The following DGKA variants were observed in gnomAD, a reference collection of about 807,000 sequenced individuals.
DGKA encodes the protein 80 kDa diacylglycerol kinase.
In DGKA, 35 loss-of-function variants were observed where a neutral mutation model predicts 105.0. The ratio of observed to expected loss-of-function variants is 0.33; its 90% CI spans 0.25 to 0.44. DGKA has a LOEUF of 0.44. DGKA is among the 20% of genes least tolerant of loss of function. The pLI is 1.00. For missense variants in DGKA, 665 were observed against 915.0 expected (o/e 0.73, Z 3.53); for synonymous variants, 296 against 332.0 (o/e 0.89, Z 1.18).
intron 17 of DGKA, among the ~76,000 whole-genome samples, chr12:55,948,922 C>G (rs1011773597): frequency 6.6e-6 from 1 of 151,752 alleles, no homozygotes; most frequent in African/African-American, 2.4e-5. Flanking sequence ...ACTTGGGAGG[C>G]TGAGCAGGAG....
chr12:55,927,921 A>G, upstream of DGKA: 4 of 888,790 alleles, frequency 4.5e-6, no homozygotes, highest in Non-Finnish European at 6.6e-6. Flanking sequence ...CCCTAGGGTC[A>G]GAGGGCAGGG....
chr12:55,936,398 T>C, intron 1 of DGKA, 25 bp from the exon 2 acceptor site: 1 of 1,501,770 alleles, frequency 6.7e-7, no homozygotes. Flanking sequence ...CTCTTCCCAC[T>C]GTACGCTCTG....
At position 55,942,267 on chromosome 12, in the gene DGKA, A is replaced by T. The variant is rs1290500041; in HGVS notation, c.1426+4A>T. The T allele has an allele frequency of 6.2e-7, 1 of 1,613,894 alleles. No homozygotes were observed. The highest frequency in any genetic ancestry group is 1.3e-5 in the African/African-American group (1 of 74,914). ...CGATGCCTAAGATGGGGAGGAGGTA[A>T]GTGGTTAGAAATTGTTTTGCTGTAG... is the stretch of plus-strand genomic sequence containing the variant. On this transcript the variant is annotated splice_donor_region_variant and intron_variant, in intron 17 of 23. Coordinates refer to ENST00000331886, the MANE Select transcript of DGKA (RefSeq NM_001345.5).
At chr12:55,941,866 G>A in intron 15 of DGKA, 132 bp from the exon 16 acceptor site, 1 of 993,608 alleles carries the variant, frequency 1.0e-6, no homozygotes, top group Non-Finnish European at 1.6e-6. Flanking sequence ...GACCTTCATA[G>A]AAACTCAAGT....
At chr12:55,931,829 C>G (rs1287197290) in intron 1 of DGKA, 2 of 152,416 alleles carry the variant, frequency 1.3e-5, no homozygotes, top group East Asian at 1.9e-4. Flanking sequence ...AGATGAGGAG[C>G]GCAGCAAATG....
Position 55,932,563 on chromosome 12 carries a change from GA to G in DGKA, c.-82+1222del, listed in dbSNP as rs1184172354. Reference sequence around the variant, plus strand: ...AATCTCACTTTTCACCTTGATAGGAGAAATGAGCCTTCCTGAGGAAGAATGG... The same window carrying G: ...AATCTCACTTTTCACCTTGATAGGAGAATGAGCCTTCCTGAGGAAGAATGG... On this transcript the variant is annotated intron_variant, in intron 1 of 23. Transcript: ENST00000331886. This position sits in a 1 kb window ranked among gnomAD's most constrained non-coding sequence, Gnocchi z 4.3. The G allele has an allele frequency of 4.3e-6, 3 of 702,164 alleles. No individual in the cohort carries two copies. The highest frequency in any genetic ancestry group is 7.8e-6 in the Non-Finnish European group (3 of 384,834). The allele number at this position is 702,164 out of a possible 1,614,324, so 43.5% of individuals were successfully genotyped here.
At chr12:55,944,624 T>G (rs994232662) in intron 17 of DGKA, among the ~76,000 whole-genome samples, 2 of 151,774 alleles carry the variant, frequency 1.3e-5, no homozygotes, top group African/African-American at 4.9e-5. Context: ...AGACAAGAGA[T>G]GATGAATACA....
Position 55,940,506 on chromosome 12 carries a change from C to T in DGKA, c.918+73C>T. ...TGCCTTCTCCACGGGCCTCCGGCCA[C>T]ACCTCCTTTACAGGCACAGTTGCCC... On this transcript the variant is annotated intron_variant, in intron 11 of 23. Transcript: ENST00000331886. This position sits in a 1 kb window ranked among gnomAD's most constrained non-coding sequence, Gnocchi z 4.3. The T allele has an allele frequency of 6.3e-7, 1 of 1,592,822 alleles. No individual in the cohort carries two copies. Among genetic ancestry groups the T allele is most frequent in the East Asian group, 2.2e-5 (1 of 44,702 alleles).
At chr12:55,941,352 A>C in intron 14 of DGKA, 27 bp downstream of exon 14, 2 of 1,609,968 alleles carry the variant, frequency 1.2e-6, no homozygotes, top group Non-Finnish European at 1.7e-6. Flanking sequence ...TGGGTCTTCT[A>C]AGATGAGAGG....
At chr12:55,951,483 C>T (rs1888133489) in intron 17 of DGKA, 140 bp from the exon 18 acceptor site, 1 of 821,754 alleles carries the variant, frequency 1.2e-6, no homozygotes, top group African/African-American at 1.7e-5. Flanking sequence ...TGACCATGCA[C>T]CCTGCCCTGT....
intron 17 of DGKA, among the ~76,000 whole-genome samples, chr12:55,946,591 A>G (rs1236718594): frequency 6.6e-6 from 1 of 152,158 alleles, no homozygotes; most frequent in Non-Finnish European, 1.5e-5. Flanking sequence ...TCCTGACCTC[A>G]GGTGATCCAC....
In DGKA at chr12:55,932,728, CACACA is replaced by C; in HGVS notation, c.-82+1385_-82+1389del. 1.6e-6 allele frequency: 1 copy of C among 626,292 alleles called. No homozygotes were observed. The highest frequency in any genetic ancestry group is 2.9e-6 in the Non-Finnish European group (1 of 342,306). 38.8% of individuals were successfully genotyped at this position (626,292 alleles called of 1,614,324 possible). Reference sequence around the variant, plus strand: ...ACACACGCACACACACACACACACACACACACACACACAACCCCCTCAGCCAGGTG... The same window carrying C: ...ACACACGCACACACACACACACACACCACACACAACCCCCTCAGCCAGGTG... On this transcript the variant is annotated intron_variant, in intron 1 of 23. Transcript: ENST00000331886. The surrounding 1 kb of genome is among the most constrained non-coding windows in gnomAD (Gnocchi z 4.3).
At chr12:55,937,256 CT>C in intron 3 of DGKA, 151 bp from the exon 4 acceptor site, 1 of 1,190,252 alleles carries the variant, frequency 8.4e-7, no homozygotes, top group African/African-American at 1.6e-5. Context: ...ACAAGGGATT[CT>C]ATTAACTCAG....
rs1210615101 is a variant in DGKA, at chr12:55,938,983, G to A, written c.468G>A (p.Leu156=). The A allele has an allele frequency of 6.2e-7, 1 of 1,614,224 alleles. No homozygotes were observed. The highest frequency in any genetic ancestry group is 8.5e-7 in the Non-Finnish European group (1 of 1,180,044). The change falls in exon 7 of 24, where the codon CTG becomes CTA. Residue 156 remains leucine, a synonymous_variant. Transcript: ENST00000331886. ...AEYLDWDVSE[L]RPILQEMMKE... is the part of the protein sequence containing the mutation. ...ACCTGGATTGGGATGTGTCTGAGCTGAGGCCGGTAAGGCAGCTCTTCCTTC... is the reference window on the plus strand; with the variant it reads ...ACCTGGATTGGGATGTGTCTGAGCTAAGGCCGGTAAGGCAGCTCTTCCTTC...
chr12:55,928,676 C>CAAAAA (rs56280303), upstream of DGKA, among the ~76,000 whole-genome samples: 6 of 47,264 alleles, frequency 1.3e-4, no homozygotes, highest in Admixed American at 3.7e-4. Flanking sequence ...GACCCCGTCT[C>CAAAAA]AAAAAAAAAA....
At chr12:55,934,605 C>T (rs1310706139) in intron 1 of DGKA, among the ~76,000 whole-genome samples, 1 of 152,182 alleles carries the variant, frequency 6.6e-6, no homozygotes, top group Non-Finnish European at 1.5e-5. Flanking sequence ...GCTTCCCTTA[C>T]CCAACAAGCC....
rs1883774349 is a variant in DGKA at position 55,932,418 on chromosome 12, G to A, written c.-82+1074G>A. On this transcript the variant is annotated intron_variant, in intron 1 of 23. Transcript: ENST00000331886. This position sits in a 1 kb window ranked among gnomAD's most constrained non-coding sequence, Gnocchi z 4.3. ...CCCGACTCGGAGGGAAGTCCTCTTC[G>A]GAACCTCCACAGTGCCGCACGGGTG... is the stretch of plus-strand genomic sequence containing the variant. The A allele has an allele frequency of 1.1e-5, 7 of 624,696 alleles. 1 individual carries two copies. Among genetic ancestry groups the A allele is most frequent in the South Asian group, 7.1e-5 (4 of 56,694 alleles). The allele number at this position is 624,696 out of a possible 1,614,324, so 38.7% of individuals were successfully genotyped here. A position where few individuals can be genotyped will look rare whatever the true frequency, so the allele number is the denominator to read the frequency against.
chr12:55,938,959 C>T lies in DGKA; in HGVS notation c.444C>T (p.Tyr148=). The part of the protein sequence containing the change: ...IILQMMRVAE[Y]LDWDVSELRP... ...TACAGATGATGCGAGTGGCTGAATA[C>T]CTGGATTGGGATGTGTCTGAGCTGA... The change falls in exon 7 of 24, where the codon TAC becomes TAT. Residue 148 remains tyrosine, a synonymous_variant. Coordinates refer to ENST00000331886, the MANE Select transcript of DGKA (RefSeq NM_001345.5). 2 of 1,614,148 alleles carry T rather than the reference C, an allele frequency of 1.2e-6. No individual in the cohort carries two copies. The highest frequency in any genetic ancestry group is 2.2e-5 in the South Asian group (2 of 91,076).
chr12:55,941,624 G>A, intron 15 of DGKA, 40 bp downstream of exon 15: 1 of 1,594,950 alleles, frequency 6.3e-7, no homozygotes, highest in Non-Finnish European at 8.6e-7. Flanking sequence ...TGTTTTCGTG[G>A]GTCTGTGTAT....
Sources: gnomAD v4.1 joint callset for allele counts (sites outside exome capture counted in the v4.1 genomes callset) on GRCh38, gnomAD v4.1.1 for gene constraint, Gnocchi (gnomAD v3.1) non-coding constraint, MANE v1.5 for transcripts, NCBI Gene and HGNC (gene_info 2026-07-23, HGNC 2026-07-21) for gene names.